Variants in GRIN2B observed in about 807,000 individuals in gnomAD.
GRIN2B encodes the protein glutamate receptor ionotropic, NMDA 2B.
A neutral mutation model predicts 114.5 loss-of-function variants in GRIN2B; 5 were observed. The observed-to-expected ratio is 0.04, with a 90% CI of 0.02 to 0.09. The LOEUF is 0.09. Ranked by LOEUF, GRIN2B falls within the 10% of genes least tolerant of loss-of-function variation. The probability of loss-of-function intolerance (pLI) is 1.00; values close to 1 mark genes in which losing one functional copy is unlikely to be tolerated. For missense variants in GRIN2B, 1,108 were observed against 1,943.5 expected (o/e 0.57, Z 8.08); for synonymous variants, 787 against 745.1 (o/e 1.06, Z -0.92).
intron 2 of GRIN2B, among the ~76,000 whole-genome samples, chr12:13,926,964 A>AG (rs1379541282): frequency 5.1e-4 from 78 of 151,532 alleles, no homozygotes; most frequent in African/African-American, 1.8e-3. Context: ...AAAAAAGAAA[A>AG]AAAAAAAAAG....
At chr12:13,916,912 C>T (rs949659577) in intron 2 of GRIN2B, among the ~76,000 whole-genome samples, 9 of 151,796 alleles carry the variant, frequency 5.9e-5, no homozygotes, top group African/African-American at 1.7e-4. Context: ...GGGGAAAAGT[C>T]AAGAAAGGCT....
intron 4 of GRIN2B, among the ~76,000 whole-genome samples, chr12:13,737,077 A>G (rs1041648005): frequency 1.3e-5 from 2 of 151,904 alleles, no homozygotes; most frequent in African/African-American, 2.4e-5. Flanking sequence ...AACATACAAT[A>G]TAATAAATTC....
intron 5 of GRIN2B, among the ~76,000 whole-genome samples, chr12:13,659,985 T>C (rs1302594234): frequency 1.3e-5 from 2 of 152,154 alleles, no homozygotes; most frequent in African/African-American, 4.8e-5. Flanking sequence ...TACAGGGCTG[T>C]ATGGCAGCGG....
Position 13,569,968 on chromosome 12 carries a change from C to T in GRIN2B, c.2221G>A (p.Gly741Ser). ...YDAAVLNYMA[G>S]RDEGCKLVTI... ...ACCAGCTTGCAGCCTTCATCTCTGC[C>T]TGCCATATAGTTCAGCACTGCTGCA... Residue 741 changes from glycine to serine, a missense_variant, in exon 12 of 14, where the codon GGC becomes AGC. Transcript: ENST00000609686. 1 of 1,613,328 alleles carries T rather than the reference C, an allele frequency of 6.2e-7. No homozygotes were observed. The highest frequency in any genetic ancestry group is 8.5e-7 in the Non-Finnish European group (1 of 1,179,276).
chr12:13,769,506 G>A (rs1863867312), intron 3 of GRIN2B, among the ~76,000 whole-genome samples: 1 of 152,160 alleles, frequency 6.6e-6, no homozygotes, highest in Non-Finnish European at 1.5e-5. Context: ...TTCTCCATCT[G>A]TTCTTTCATC....
intron 2 of GRIN2B, among the ~76,000 whole-genome samples, chr12:13,887,854 G>C (rs967031507): frequency 6.6e-6 from 1 of 152,174 alleles, no homozygotes; most frequent in African/African-American, 2.4e-5. Context: ...CATTTACATA[G>C]TGCTTGCCCT....
intron 2 of GRIN2B, among the ~76,000 whole-genome samples, chr12:13,940,511 G>T (rs959055250): frequency 1.3e-5 from 2 of 152,108 alleles, no homozygotes; most frequent in South Asian, 4.1e-4. Flanking sequence ...ATGACGAAGT[G>T]GGAGAAAAGA....
At chr12:13,805,089 C>A (rs1432415066) in intron 3 of GRIN2B, among the ~76,000 whole-genome samples, 3 of 152,108 alleles carry the variant, frequency 2.0e-5, no homozygotes, top group Admixed American at 2.0e-4. Flanking sequence ...CAATTTATTT[C>A]ATTTTTTAGT....
intron 5 of GRIN2B, among the ~76,000 whole-genome samples, chr12:13,637,026 A>G (rs1949671812): frequency 6.6e-6 from 1 of 152,122 alleles, no homozygotes; most frequent in South Asian, 2.1e-4. Context: ...GGGACAAGGT[A>G]AGTTTGAGAT....
chr12:13,735,664 T>G lies in GRIN2B; in HGVS notation c.1010+17653A>C, dbSNP rs1465089289. On this transcript the variant is annotated intron_variant, in intron 4 of 13. Coordinates refer to ENST00000609686, the MANE Select transcript of GRIN2B (RefSeq NM_000834.5). ...AATGCATGCTGGCCCAACAGGGCTC[T>G]GCTCAGGGGACTAAGCACCTGGGCA... 2.0e-5 allele frequency among the ~76,000 whole-genome samples: 3 copies of G among 152,240 alleles called. No homozygotes were observed. The East Asian group carries it at 5.8e-4, about 29-fold the overall frequency.
intron 12 of GRIN2B, among the ~76,000 whole-genome samples, chr12:13,569,149 AG>A (rs1225266512): frequency 6.6e-6 from 1 of 152,180 alleles, no homozygotes; most frequent in East Asian, 1.9e-4. Flanking sequence ...CCTGCAACCC[AG>A]AAAAAGACCT....
At chr12:13,697,984 C>G (rs1392994398) in intron 4 of GRIN2B, among the ~76,000 whole-genome samples, 1 of 152,224 alleles carries the variant, frequency 6.6e-6, no homozygotes, top group African/African-American at 2.4e-5. Flanking sequence ...CCCACCTGCT[C>G]TTCTCCATTG....
chr12:13,883,854 G>A (rs1866106911), intron 2 of GRIN2B, among the ~76,000 whole-genome samples: 2 of 151,744 alleles, frequency 1.3e-5, no homozygotes, highest in Admixed American at 6.6e-5. Flanking sequence ...GAAAGTCTTT[G>A]CCTAAACAAA....
At chr12:13,953,467 T>TCC (rs1207343482) in intron 2 of GRIN2B, among the ~76,000 whole-genome samples, 1 of 152,168 alleles carries the variant, frequency 6.6e-6, no homozygotes, top group Non-Finnish European at 1.5e-5. Context: ...CTGAGATCTG[T>TCC]CCCCCATCCC....
rs1443468990 is a variant in GRIN2B at position 13,539,214 on chromosome 12, G to A, written c.*23569C>T. ...TATCCTGGGAGATTCCTGGAACTAG[G>A]GATTAGCCCTGCTGGCTTCTAGCCA... On this transcript the variant is annotated 3_prime_UTR_variant, in exon 14 of 14. Coordinates refer to ENST00000609686, the MANE Select transcript of GRIN2B (RefSeq NM_000834.5). 1 of 152,184 alleles carries A rather than the reference G, an allele frequency of 6.6e-6. No homozygotes were observed. The highest frequency in any genetic ancestry group is 1.5e-5 in the Non-Finnish European group (1 of 68,042). The allele number at this position is 152,184 out of a possible 1,614,324, so 9.4% of individuals were successfully genotyped here. A position where few individuals can be genotyped will look rare whatever the true frequency, so the allele number is the denominator to read the frequency against.
At chr12:13,638,490 T>C (rs1949684959) in intron 5 of GRIN2B, among the ~76,000 whole-genome samples, 2 of 152,088 alleles carry the variant, frequency 1.3e-5, no homozygotes, top group Admixed American at 1.3e-4. Flanking sequence ...GCACTGACCA[T>C]GGACTGTAGA....
chr12:13,597,247 G>A (rs1409711605), intron 10 of GRIN2B, among the ~76,000 whole-genome samples: 3 of 152,150 alleles, frequency 2.0e-5, no homozygotes, highest in African/African-American at 7.2e-5. Flanking sequence ...ATCAAGGTCT[G>A]GAGGCACGGA....
At chr12:13,589,677 C>T (rs537336008) in intron 10 of GRIN2B, among the ~76,000 whole-genome samples, 18 of 152,170 alleles carry the variant, frequency 1.2e-4, no homozygotes, top group Non-Finnish European at 2.6e-4. Context: ...ATTTAGAGAA[C>T]ATCATTACAT....
chr12:13,928,888 A>G (rs1390794840), intron 2 of GRIN2B, among the ~76,000 whole-genome samples: 2 of 152,236 alleles, frequency 1.3e-5, no homozygotes, highest in East Asian at 1.9e-4. Context: ...GACAATGACA[A>G]TAACTTAACA....
Sources: allele counts gnomAD v4.1 joint callset (sites outside exome capture counted in the v4.1 genomes callset), GRCh38; gene constraint gnomAD v4.1.1; transcripts MANE v1.5; gene names NCBI Gene and HGNC (gene_info 2026-07-23, HGNC 2026-07-21).